Variants in HYCC1 observed in about 807,000 individuals in gnomAD.
HYCC1 encodes the protein hyccin PI4KA lipid kinase complex subunit 1.
chr7:22,947,805 A>T, the HYCC1 span, among the ~76,000 whole-genome samples: 199 of 152,204 alleles, frequency 1.3e-3, no homozygotes, highest in Non-Finnish European at 2.4e-3. Flanking sequence ...ATGCTTATTC[A>T]TATATGATAT....
chr7:22,994,635 T>C, the HYCC1 span, among the ~76,000 whole-genome samples: 1 of 152,158 alleles, frequency 6.6e-6, no homozygotes, highest in Non-Finnish European at 1.5e-5. Flanking sequence ...TGAGCTCACA[T>C]GGACACTCAC....
the HYCC1 span, among the ~76,000 whole-genome samples, chr7:22,989,611 G>A: frequency 1.3e-5 from 2 of 151,686 alleles, no homozygotes; most frequent in Non-Finnish European, 1.5e-5. Context: ...TTCCATCTCT[G>A]CCTCTCAAAG....
chr7:23,010,029 G>A, the HYCC1 span, among the ~76,000 whole-genome samples: 1 of 152,100 alleles, frequency 6.6e-6, no homozygotes, highest in Non-Finnish European at 1.5e-5. Context: ...GATGATGCCA[G>A]GGATCTCAGG....
At chr7:22,965,081 C>T in the HYCC1 span, among the ~76,000 whole-genome samples, 2 of 149,890 alleles carry the variant, frequency 1.3e-5, no homozygotes. Context: ...TTGCAGTAAG[C>T]CAAGATCGAG....
chr7:22,972,240 A>C, the HYCC1 span, among the ~76,000 whole-genome samples: 1 of 147,556 alleles, frequency 6.8e-6, no homozygotes, highest in Non-Finnish European at 1.5e-5. Flanking sequence ...AGTCAGGAGC[A>C]AAATGGCTTA....
the HYCC1 span, among the ~76,000 whole-genome samples, chr7:22,975,305 C>G: frequency 2.6e-4 from 39 of 152,224 alleles, 1 homozygote; most frequent in Non-Finnish European, 5.9e-5. Flanking sequence ...AAATAAACCA[C>G]AATTCCACCA....
the HYCC1 span, among the ~76,000 whole-genome samples, chr7:22,903,099 T>A: frequency 6.6e-6 from 1 of 152,130 alleles, no homozygotes; most frequent in Non-Finnish European, 1.5e-5. Flanking sequence ...AGGAATTGCA[T>A]CCCTTATACA....
the HYCC1 span, among the ~76,000 whole-genome samples, chr7:22,957,476 A>G: frequency 2.3e-4 from 35 of 152,130 alleles, no homozygotes; most frequent in East Asian, 3.3e-3. Context: ...CCAACAGAAA[A>G]AAAGAAAAAA....
the HYCC1 span, chr7:22,943,923 A>G: frequency 6.6e-6 from 1 of 152,434 alleles, no homozygotes; most frequent in African/African-American, 2.4e-5. Context: ...CCACATTGTA[A>G]ACAGGGCTAA....
chr7:22,977,302 T>C, the HYCC1 span: 1 of 1,249,466 alleles, frequency 8.0e-7, no homozygotes, highest in African/African-American at 1.5e-5. Flanking sequence ...ATATCAAAGC[T>C]TAGGGTCAAT....
the HYCC1 span, among the ~76,000 whole-genome samples, chr7:23,008,537 A>G: frequency 1.3e-5 from 2 of 152,086 alleles, no homozygotes; most frequent in South Asian, 2.1e-4. Context: ...TTAATGTAAC[A>G]TGAATAAAGA....
the HYCC1 span, among the ~76,000 whole-genome samples, chr7:22,924,392 C>T: frequency 6.6e-6 from 1 of 152,136 alleles, no homozygotes; most frequent in Non-Finnish European, 1.5e-5. Context: ...GGCATTGCCT[C>T]ACCCGGGAAA....
chr7:22,981,896 A>G, the HYCC1 span, among the ~76,000 whole-genome samples: 1,801 of 152,298 alleles, frequency 0.012, 35 homozygotes, highest in African/African-American at 0.04. Flanking sequence ...AAACTGGTCC[A>G]TCATCACTAG....
chr7:22,955,693 A>C, the HYCC1 span, among the ~76,000 whole-genome samples: 1 of 151,684 alleles, frequency 6.6e-6, no homozygotes, highest in Non-Finnish European at 1.5e-5. Context: ...GAAAATAGCA[A>C]TTAGATTTGC....
the HYCC1 span, among the ~76,000 whole-genome samples, chr7:22,972,057 A>T: frequency 5.8e-4 from 88 of 152,310 alleles, 2 homozygotes; most frequent in East Asian, 0.014. Context: ...AGAATTGTTG[A>T]TACAGTCATA....
chr7:22,908,848 T>C, the HYCC1 span, among the ~76,000 whole-genome samples: 1 of 152,198 alleles, frequency 6.6e-6, no homozygotes, highest in African/African-American at 2.4e-5. Context: ...GGTTTGGTAC[T>C]ATGCAGTATC....
the HYCC1 span, among the ~76,000 whole-genome samples, chr7:22,969,655 A>C: frequency 6.6e-6 from 1 of 151,318 alleles, no homozygotes; most frequent in African/African-American, 2.4e-5. Context: ...TCCCATGTAG[A>C]AGGGATTACA....
chr7:22,951,587 C>A, the HYCC1 span, among the ~76,000 whole-genome samples: 1 of 151,588 alleles, frequency 6.6e-6, no homozygotes, highest in Non-Finnish European at 1.5e-5. Flanking sequence ...AACAAATATC[C>A]TTTAATATAG....
At chr7:22,924,430 T>A in the HYCC1 span, among the ~76,000 whole-genome samples, 2 of 152,138 alleles carry the variant, frequency 1.3e-5, no homozygotes, top group Non-Finnish European at 2.9e-5. Context: ...TTCCCTTTCC[T>A]AGTCAAAGAA....
Sources: gnomAD v4.1 joint callset for allele counts (sites outside exome capture counted in the v4.1 genomes callset) on GRCh38, gnomAD v4.1.1 for gene constraint, MANE v1.5 for transcripts, NCBI Gene and HGNC (gene_info 2026-07-23, HGNC 2026-07-21) for gene names.